The following FCHO2 variants were observed in gnomAD, a reference collection of about 807,000 sequenced individuals.
The protein encoded by FCHO2 is FCH and mu domain containing endocytic adaptor 2.
In FCHO2, 43 loss-of-function variants were observed where a neutral mutation model predicts 114.1. The observed-to-expected ratio is 0.38, with a 90% CI of 0.30 to 0.49. FCHO2 has a LOEUF of 0.49. Among genes scored for constraint, FCHO2 ranks in the 20% least tolerant of loss-of-function variants. The pLI is 0.97. For missense variants in FCHO2, 807 were observed against 950.4 expected (o/e 0.85, Z 1.98); for synonymous variants, 293 against 315.2 (o/e 0.93, Z 0.75).
At chr5:72,971,853 A>C (rs1385822560) in intron 2 of FCHO2, among the ~76,000 whole-genome samples, 2 of 152,168 alleles carry the variant, frequency 1.3e-5, no homozygotes, top group Non-Finnish European at 2.9e-5. Flanking sequence ...TTAAGTCTTT[A>C]ATCCATCGTG....
At chr5:73,018,368 C>T (rs536187133) in intron 8 of FCHO2, among the ~76,000 whole-genome samples, 2 of 152,280 alleles carry the variant, frequency 1.3e-5, no homozygotes, top group South Asian at 4.1e-4. Context: ...CATGTTATAG[C>T]ACACTCATCT....
At chr5:73,001,633 A>G (rs1256983949) in intron 5 of FCHO2, among the ~76,000 whole-genome samples, 1 of 151,700 alleles carries the variant, frequency 6.6e-6, no homozygotes, top group Non-Finnish European at 1.5e-5. Context: ...ACTGTGGCAT[A>G]TCAATTTTAC....
chr5:73,037,404 TATTA>T (rs1455783339), intron 10 of FCHO2, among the ~76,000 whole-genome samples, 189 bp downstream of exon 10: 2 of 151,916 alleles, frequency 1.3e-5, no homozygotes, highest in East Asian at 1.9e-4. Context: ...ATCAAAGTAT[TATTA>T]ATTATTTGAA....
At chr5:73,023,714 A>G (rs911593449) in intron 8 of FCHO2, among the ~76,000 whole-genome samples, 1 of 151,568 alleles carries the variant, frequency 6.6e-6, no homozygotes, top group African/African-American at 2.4e-5. Flanking sequence ...AAAAAAAAAA[A>G]GTAATGTAGT....
intron 8 of FCHO2, among the ~76,000 whole-genome samples, chr5:73,031,358 T>G (rs1265252752): frequency 6.6e-6 from 1 of 152,192 alleles, no homozygotes; most frequent in Non-Finnish European, 1.5e-5. Flanking sequence ...AGAAATATGC[T>G]TGATTTGAAT....
At chr5:72,997,210 C>A in intron 5 of FCHO2, 1 of 1,147,878 alleles carries the variant, frequency 8.7e-7, no homozygotes, top group Non-Finnish European at 1.3e-6. Context: ...TGGTAATAGA[C>A]AAACATCCTG....
chr5:73,054,220 T>C (rs1757477368), intron 14 of FCHO2, 49 bp downstream of exon 14: 4 of 1,428,890 alleles, frequency 2.8e-6, no homozygotes, highest in Middle Eastern at 1.8e-4. Flanking sequence ...AAAATCATTG[T>C]AATTTTGGAA....
chr5:72,979,747 A>T (rs1189537164), intron 2 of FCHO2, among the ~76,000 whole-genome samples: 2 of 152,120 alleles, frequency 1.3e-5, no homozygotes, highest in African/African-American at 4.8e-5. Flanking sequence ...TGTTTCTAGT[A>T]TTCTCTGATG....
At chr5:72,976,184 G>A (rs1019456799) in intron 2 of FCHO2, among the ~76,000 whole-genome samples, 1 of 152,138 alleles carries the variant, frequency 6.6e-6, no homozygotes, top group African/African-American at 2.4e-5. Context: ...GTATATAGTG[G>A]TATCTTATCA....
At chr5:73,045,205 T>G (rs1176138046) in intron 11 of FCHO2, among the ~76,000 whole-genome samples, 1 of 152,190 alleles carries the variant, frequency 6.6e-6, no homozygotes, top group Non-Finnish European at 1.5e-5. Flanking sequence ...AAATAGGACA[T>G]TTTCATTAGC....
chr5:73,055,216 A>G (rs371138877), intron 15 of FCHO2: 1 of 209,562 alleles, frequency 4.8e-6, no homozygotes, highest in African/African-American at 2.3e-5. Context: ...AGGGGGTGTG[A>G]GGAAAATGAG....
chr5:72,974,100 G>T (rs1752724675), intron 2 of FCHO2, among the ~76,000 whole-genome samples: 2 of 149,842 alleles, frequency 1.3e-5, no homozygotes, highest in South Asian at 4.2e-4. Flanking sequence ...TTTTACATTT[G>T]CTGAGGAGAG....
At chr5:72,975,328 G>C (rs1384750681) in intron 2 of FCHO2, among the ~76,000 whole-genome samples, 1 of 152,038 alleles carries the variant, frequency 6.6e-6, no homozygotes, top group Non-Finnish European at 1.5e-5. Flanking sequence ...TTATCTGATT[G>C]ATTGATTGAT....
At chr5:72,980,253 G>GTT (rs1266114181) in intron 2 of FCHO2, among the ~76,000 whole-genome samples, 4 of 152,188 alleles carry the variant, frequency 2.6e-5, no homozygotes, top group Non-Finnish European at 4.4e-5. Context: ...TAGTTGTGCA[G>GTT]TTTTCAGTGA....
At chr5:72,961,599 CT>C (rs1336799583) in intron 1 of FCHO2, among the ~76,000 whole-genome samples, 95 of 145,218 alleles carry the variant, frequency 6.5e-4, no homozygotes, top group Admixed American at 6.9e-4. Context: ...CAATTTCTTT[CT>C]TTTTTTTTTT....
At chr5:73,015,302 G>A (rs1181853530) in intron 6 of FCHO2, among the ~76,000 whole-genome samples, 2 of 150,126 alleles carry the variant, frequency 1.3e-5, no homozygotes, top group African/African-American at 2.5e-5. Context: ...TCGCTCTGTC[G>A]CCCAGGCTCC....
At chr5:73,028,232 A>G (rs754135666) in intron 8 of FCHO2, among the ~76,000 whole-genome samples, 21 of 152,152 alleles carry the variant, frequency 1.4e-4, no homozygotes, top group Admixed American at 1.1e-3. Context: ...ACCAAATGCT[A>G]TCAAGGTTGT....
Position 72,956,041 on chromosome 5 carries a change from G to GT in FCHO2, c.-55dup. The GT allele has an allele frequency of 6.5e-7, 1 of 1,534,314 alleles. No individual in the cohort carries two copies. The highest frequency in any genetic ancestry group is 8.8e-7 in the Non-Finnish European group (1 of 1,139,502). Reference sequence around the variant, plus strand: ...GCGGGGGTGCTGTGGGGGCCGGGCCGTGTTTACACAGCGGCGGGCGGGCGC... The same window carrying GT: ...GCGGGGGTGCTGTGGGGGCCGGGCCGTTGTTTACACAGCGGCGGGCGGGCGC... On this transcript the variant is annotated 5_prime_UTR_variant, in exon 1 of 26. Coordinates refer to ENST00000430046, the MANE Select transcript of FCHO2 (RefSeq NM_138782.3).
At chr5:72,985,457 C>T (rs369697032) in intron 2 of FCHO2, among the ~76,000 whole-genome samples, 8 of 152,210 alleles carry the variant, frequency 5.3e-5, no homozygotes, top group Middle Eastern at 3.4e-3. Flanking sequence ...CCACCACGCC[C>T]GCCTCTATTC....
Sources: gnomAD v4.1 joint callset for allele counts (sites outside exome capture counted in the v4.1 genomes callset) on GRCh38, gnomAD v4.1.1 for gene constraint, MANE v1.5 for transcripts, NCBI Gene and HGNC (gene_info 2026-07-23, HGNC 2026-07-21) for gene names.